Variants in PRRG1 observed in about 807,000 individuals in gnomAD.
PRRG1 encodes proline rich and Gla domain 1, also known as transmembrane gamma-carboxyglutamic acid protein 1.
In PRRG1, 5 loss-of-function variants were observed where a neutral mutation model predicts 11.8. The observed-to-expected ratio is 0.42, with a 90% CI of 0.22 to 0.89. The LOEUF is 0.89. Among genes scored for constraint, PRRG1 ranks in the 40% least tolerant of loss-of-function variants. The probability of loss-of-function intolerance (pLI) is 0.28; values close to 1 mark genes in which losing one functional copy is unlikely to be tolerated. For synonymous variants in PRRG1, 66 were observed against 60.4 expected (o/e 1.09, Z -0.43); for missense variants, 155 against 166.1 (o/e 0.93, Z 0.37).
intron 3 of PRRG1, among the ~76,000 whole-genome samples, chrX:37,430,568 A>G (rs1372931911): frequency 3.6e-5 from 4 of 111,882 alleles, no homozygotes; most frequent in African/African-American, 9.7e-5. Context: ...TGTAATATCT[A>G]TACTGTAATG....
rs782675056 is a variant in PRRG1 at position 37,452,220 on chromosome X, A to C, written c.172-916A>C. Among the ~76,000 whole-genome samples, 4 of 112,061 alleles carry C rather than the reference A, an allele frequency of 3.6e-5. No individual in the cohort carries two copies. In the East Asian group the frequency reaches 1.1e-3, roughly 31 times the overall value. On this transcript the variant is annotated intron_variant, in intron 3 of 3. Transcript: ENST00000378628. ...AGCAGAGATTTGATTATAATATATAAAATTAATTATAATCACTAATATGTA... is the reference window on the plus strand; with the variant it reads ...AGCAGAGATTTGATTATAATATATACAATTAATTATAATCACTAATATGTA...
At chrX:37,434,559 G>A (rs1556391473) in intron 3 of PRRG1, among the ~76,000 whole-genome samples, 1 of 111,704 alleles carries the variant, frequency 9.0e-6, no homozygotes, top group Non-Finnish European at 1.9e-5. Context: ...ACCTTGATCT[G>A]GTGTCTGAGC....
chrX:37,429,364 C>T lies in PRRG1; in HGVS notation c.171+3364C>T, dbSNP rs151125284. Among the ~76,000 whole-genome samples, 227 of 111,996 alleles carry T rather than the reference C, an allele frequency of 2.0e-3. 1 individual carries two copies. Among genetic ancestry groups the T allele is most frequent in the Middle Eastern group, 9.3e-3 (2 of 216 alleles). ...AATACTTTTAACAGAACCCAAGTCA[C>T]CTCTTGGATGCTTTGCTGCCTAGAA... On this transcript the variant is annotated intron_variant, in intron 3 of 3. Transcript: ENST00000378628.
chrX:37,435,792 C>T (rs186884450), intron 3 of PRRG1, among the ~76,000 whole-genome samples: 13 of 109,965 alleles, frequency 1.2e-4, no homozygotes, highest in Admixed American at 9.7e-4. Flanking sequence ...CATGATTAGA[C>T]GAAATGTCAA....
intron 1 of PRRG1, among the ~76,000 whole-genome samples, chrX:37,363,440 G>C (rs1930474904): frequency 8.9e-6 from 1 of 112,503 alleles, no homozygotes; most frequent in African/African-American, 3.2e-5. Flanking sequence ...AAAGGAATGA[G>C]AGGAGACTCT....
At chrX:37,361,212 G>A (rs1419090792) in intron 1 of PRRG1, among the ~76,000 whole-genome samples, 1 of 110,719 alleles carries the variant, frequency 9.0e-6, no homozygotes, top group Non-Finnish European at 1.9e-5. Flanking sequence ...CATGGTGGTG[G>A]TAGCCTGTAG....
intron 1 of PRRG1, among the ~76,000 whole-genome samples, chrX:37,398,604 A>G (rs1415519769): frequency 8.9e-6 from 1 of 112,725 alleles, no homozygotes; most frequent in African/African-American, 3.2e-5. Context: ...GCAGTTCCTC[A>G]CCAGCAATGG....
intron 1 of PRRG1, among the ~76,000 whole-genome samples, chrX:37,396,208 TCTTAA>T (rs782380767): frequency 8.9e-6 from 1 of 112,635 alleles, no homozygotes; most frequent in Non-Finnish European, 1.9e-5. Flanking sequence ...ATCAATAAAG[TCTTAA>T]CTTACAATTT....
intron 1 of PRRG1, among the ~76,000 whole-genome samples, chrX:37,401,377 CA>C (rs1319242881): frequency 1.8e-5 from 2 of 111,048 alleles, no homozygotes; most frequent in African/African-American, 6.6e-5. Flanking sequence ...GAACCAAAGA[CA>C]AAAACCACAT....
At chrX:37,407,535 A>G (rs1304097420) in intron 2 of PRRG1, among the ~76,000 whole-genome samples, 1 of 111,872 alleles carries the variant, frequency 8.9e-6, no homozygotes, top group Non-Finnish European at 1.9e-5. Flanking sequence ...TTCCACCTCT[A>G]CTACCTTGAT....
At chrX:37,377,811 A>G (rs1244150136) in intron 1 of PRRG1, among the ~76,000 whole-genome samples, 1 of 111,731 alleles carries the variant, frequency 9.0e-6, no homozygotes, top group Non-Finnish European at 1.9e-5. Flanking sequence ...TATCTGCCCT[A>G]CGTCTCCATT....
chrX:37,418,028 T>C (rs186366795), intron 2 of PRRG1, among the ~76,000 whole-genome samples: 28 of 112,184 alleles, frequency 2.5e-4, no homozygotes, highest in African/African-American at 8.1e-4. Flanking sequence ...TCTTTATGGT[T>C]ACAACTGAAA....
At chrX:37,451,589 T>A (rs78290176) in intron 3 of PRRG1, among the ~76,000 whole-genome samples, 16 of 112,107 alleles carry the variant, frequency 1.4e-4, no homozygotes, top group Non-Finnish European at 2.3e-4. Flanking sequence ...TGGGCTTTTT[T>A]AAATATCGAA....
intron 3 of PRRG1, among the ~76,000 whole-genome samples, chrX:37,447,745 G>T (rs1220492276): frequency 8.9e-6 from 1 of 112,245 alleles, no homozygotes; most frequent in Non-Finnish European, 1.9e-5. Context: ...TTTAAATCTT[G>T]CTTGCCATAA....
At chrX:37,349,752 G>A (rs942923310) in intron 1 of PRRG1, among the ~76,000 whole-genome samples, 4 of 111,222 alleles carry the variant, frequency 3.6e-5, no homozygotes, top group Non-Finnish European at 5.7e-5. Context: ...CATGAGGGAC[G>A]TCCCAAGCTC....
chrX:37,436,420 C>A (rs1932885581), intron 3 of PRRG1, among the ~76,000 whole-genome samples: 1 of 112,044 alleles, frequency 8.9e-6, no homozygotes, highest in Admixed American at 9.5e-5. Context: ...GATATGCAGT[C>A]CCCCTTCACA....
intron 3 of PRRG1, among the ~76,000 whole-genome samples, chrX:37,446,749 G>A (rs1556395334): frequency 8.9e-6 from 1 of 111,768 alleles, no homozygotes; most frequent in African/African-American, 3.3e-5. Context: ...TCAGATTCTG[G>A]TGGGGGCTTT....
At chrX:37,368,057 A>G (rs868922322) in intron 1 of PRRG1, among the ~76,000 whole-genome samples, 7 of 112,174 alleles carry the variant, frequency 6.2e-5, no homozygotes, top group African/African-American at 1.6e-4. Flanking sequence ...TACACTCCAT[A>G]TGATTCCTTT....
Position 37,456,944 on chromosome X carries a change from G to A in PRRG1, c.*3323G>A, listed in dbSNP as rs1169291361. ...TGCAGTAGTTGTGTCTGGAATCCTAGAATTGGCACTTTCTGCCTCCTTGCT... is the reference window on the plus strand; with the variant it reads ...TGCAGTAGTTGTGTCTGGAATCCTAAAATTGGCACTTTCTGCCTCCTTGCT... On this transcript the variant is annotated 3_prime_UTR_variant, in exon 4 of 4. Coordinates refer to ENST00000378628, the MANE Select transcript of PRRG1 (RefSeq NM_001142395.2). The A allele has an allele frequency of 1.8e-5, 2 of 112,068 alleles. No homozygotes were observed. Among genetic ancestry groups the A allele is most frequent in the African/African-American group, 6.5e-5 (2 of 30,873 alleles). 9.2% of individuals were successfully genotyped at this position (112,068 alleles called of 1,213,427 possible). A position where few individuals can be genotyped will look rare whatever the true frequency, so the allele number is the denominator to read the frequency against.
Sources: gnomAD v4.1 joint callset for allele counts (sites outside exome capture counted in the v4.1 genomes callset) on GRCh38, gnomAD v4.1.1 for gene constraint, MANE v1.5 for transcripts, NCBI Gene and HGNC (gene_info 2026-07-23, HGNC 2026-07-21) for gene names.